SGCZ: variants seen among roughly 807,000 people sequenced by gnomAD.
SGCZ encodes the protein sarcoglycan zeta, also known as zeta-sarcoglycan.
In SGCZ, 40 loss-of-function variants were observed where a neutral mutation model predicts 41.3. The ratio of observed to expected loss-of-function variants is 0.97; its 90% CI spans 0.75 to 1.26. SGCZ has a LOEUF of 1.26. SGCZ is among the 50% of genes most tolerant of loss of function. The probability of loss-of-function intolerance (pLI) is 0.00; values close to 1 mark genes in which losing one functional copy is unlikely to be tolerated. For synonymous variants in SGCZ, 206 were observed against 137.5 expected (o/e 1.50, Z -3.49); for missense variants, 552 against 369.8 (o/e 1.49, Z -4.04).
At chr8:14,130,239 A>G (rs1406131759) in intron 5 of SGCZ, among the ~76,000 whole-genome samples, 1 of 152,090 alleles carries the variant, frequency 6.6e-6, no homozygotes, top group Non-Finnish European at 1.5e-5. Context: ...CACACACGCA[A>G]TTTAATTACG....
At chr8:14,274,108 G>C (rs186718404) in intron 3 of SGCZ, among the ~76,000 whole-genome samples, 1 of 152,046 alleles carries the variant, frequency 6.6e-6, no homozygotes, top group East Asian at 1.9e-4. Context: ...TTGTTTTCTT[G>C]AAGTTTCATT....
At chr8:14,592,991 C>A (rs1350714403) in intron 1 of SGCZ, among the ~76,000 whole-genome samples, 1 of 152,170 alleles carries the variant, frequency 6.6e-6, no homozygotes, top group African/African-American at 2.4e-5. Flanking sequence ...TTTCTGTTGT[C>A]TCTGACTTAG....
chr8:14,740,361 A>C (rs1232243311), intron 1 of SGCZ, among the ~76,000 whole-genome samples: 1 of 151,952 alleles, frequency 6.6e-6, no homozygotes, highest in African/African-American at 2.4e-5. Context: ...CAGCAATCAC[A>C]GATTCATCTG....
chr8:14,493,455 C>G (rs563543623), intron 2 of SGCZ, among the ~76,000 whole-genome samples: 1 of 146,410 alleles, frequency 6.8e-6, no homozygotes, highest in Non-Finnish European at 1.5e-5. Context: ...CAAACTCTGC[C>G]TCCCAGGGTT....
At chr8:15,001,538 G>A (rs1802420996) in intron 1 of SGCZ, among the ~76,000 whole-genome samples, 1 of 152,008 alleles carries the variant, frequency 6.6e-6, no homozygotes, top group South Asian at 2.1e-4. Flanking sequence ...GACCATCCTG[G>A]CTAACACAGT....
intron 1 of SGCZ, among the ~76,000 whole-genome samples, chr8:14,776,843 C>T (rs992908024): frequency 2.0e-5 from 3 of 152,066 alleles, no homozygotes; most frequent in Non-Finnish European, 4.4e-5. Flanking sequence ...AATGGTTAAA[C>T]TCTTCATTGT....
At chr8:14,366,855 C>T (rs774469265) in intron 2 of SGCZ, among the ~76,000 whole-genome samples, 1 of 152,088 alleles carries the variant, frequency 6.6e-6, no homozygotes, top group East Asian at 1.9e-4. Context: ...TTTTTTCCCT[C>T]CTAGGCCTCT....
At chr8:14,442,529 T>G (rs1201150676) in intron 2 of SGCZ, among the ~76,000 whole-genome samples, 1 of 152,194 alleles carries the variant, frequency 6.6e-6, no homozygotes, top group Admixed American at 6.6e-5. Context: ...TGTTTCTTAC[T>G]TGACAGTACC....
intron 2 of SGCZ, among the ~76,000 whole-genome samples, chr8:14,418,059 AGGCAGTTTGCTGGGTGTT>A (rs1389029147): frequency 6.6e-6 from 1 of 151,856 alleles, no homozygotes; most frequent in Non-Finnish European, 1.5e-5. Context: ...CTGTCATGCT[AGGCAGTTTGCTGGGTGTT>A]GTGAATTCAA....
At chr8:14,497,185 T>C (rs181651032) in intron 2 of SGCZ, among the ~76,000 whole-genome samples, 1 of 152,272 alleles carries the variant, frequency 6.6e-6, no homozygotes, top group South Asian at 2.1e-4. Context: ...ATTTATTTTT[T>C]AAAAACAGAG....
intron 1 of SGCZ, among the ~76,000 whole-genome samples, chr8:15,167,902 C>T (rs1799712830): frequency 6.6e-6 from 1 of 152,164 alleles, no homozygotes; most frequent in Admixed American, 6.5e-5. Flanking sequence ...ACCAATGATC[C>T]TGCAAATCCT....
intron 1 of SGCZ, among the ~76,000 whole-genome samples, chr8:14,905,295 C>A (rs1290592335): frequency 4.0e-5 from 6 of 151,686 alleles, no homozygotes; most frequent in African/African-American, 1.5e-4. Flanking sequence ...AAAGGAAAAA[C>A]CGATTAAAAA....
intron 2 of SGCZ, among the ~76,000 whole-genome samples, chr8:14,360,469 G>A (rs1376712714): frequency 2.0e-5 from 3 of 151,954 alleles, no homozygotes; most frequent in East Asian, 1.9e-4. Context: ...GGGATTACAG[G>A]CACGCATCAC....
intron 1 of SGCZ, among the ~76,000 whole-genome samples, chr8:15,110,969 CAAAAAGA>C (rs1372587514): frequency 3.3e-5 from 5 of 151,924 alleles, no homozygotes; most frequent in African/African-American, 1.2e-4. Context: ...AACTCCATCT[CAAAAAGA>C]AAAAAGAAAA....
intron 2 of SGCZ, among the ~76,000 whole-genome samples, chr8:14,535,686 C>T (rs1365574885): frequency 1.3e-5 from 2 of 151,792 alleles, no homozygotes; most frequent in Non-Finnish European, 2.9e-5. Flanking sequence ...TAAATATCAT[C>T]TTATTCTATC....
intron 2 of SGCZ, among the ~76,000 whole-genome samples, chr8:14,355,556 A>C (rs954565837): frequency 6.6e-6 from 1 of 152,040 alleles, no homozygotes; most frequent in Non-Finnish European, 1.5e-5. Flanking sequence ...GTAAAACTCA[A>C]TAATAACGTA....
intron 1 of SGCZ, among the ~76,000 whole-genome samples, chr8:14,679,404 G>A (rs1330338482): frequency 6.6e-6 from 1 of 151,648 alleles, no homozygotes; most frequent in African/African-American, 2.4e-5. Context: ...ATGTACAGGG[G>A]GAAGACAGTG....
intron 5 of SGCZ, among the ~76,000 whole-genome samples, chr8:14,127,940 A>T (rs1802916330): frequency 6.6e-6 from 1 of 152,156 alleles, no homozygotes; most frequent in Non-Finnish European, 1.5e-5. Context: ...CGCATCAAGT[A>T]GACCAAAGTG....
intron 1 of SGCZ, among the ~76,000 whole-genome samples, chr8:15,198,049 T>C (rs1477735048): frequency 6.7e-6 from 1 of 148,608 alleles, no homozygotes; most frequent in East Asian, 1.9e-4. Flanking sequence ...ATTTATATTA[T>C]ATATTACATT....
Sources: allele counts gnomAD v4.1 joint callset (sites outside exome capture counted in the v4.1 genomes callset), GRCh38; gene constraint gnomAD v4.1.1; transcripts MANE v1.5; gene names NCBI Gene and HGNC (gene_info 2026-07-23, HGNC 2026-07-21).